The following GGA2 variants were observed in gnomAD, a reference collection of about 807,000 sequenced individuals.
The protein encoded by GGA2 is ADP-ribosylation factor-binding protein GGA2.
A neutral mutation model predicts 79.5 loss-of-function variants in GGA2; 48 were observed. The ratio of observed to expected loss-of-function variants is 0.60; its 90% CI spans 0.48 to 0.77. The LOEUF (loss-of-function observed/expected upper bound fraction) is 0.77, where lower values mean the gene tolerates loss of function less well. Ranked by LOEUF, GGA2 falls within the 30% of genes least tolerant of loss-of-function variation. The probability of loss-of-function intolerance (pLI) is 0.00; values close to 1 mark genes in which losing one functional copy is unlikely to be tolerated. For synonymous variants in GGA2, 317 were observed against 302.0 expected (o/e 1.05, Z -0.51); for missense variants, 770 against 774.0 (o/e 0.99, Z 0.06).
chr16:23,470,332 T>C (rs1009214947), intron 14 of GGA2, among the ~76,000 whole-genome samples, 167 bp from the exon 15 acceptor site: 15 of 152,172 alleles, frequency 9.9e-5, no homozygotes, highest in African/African-American at 3.4e-4. Flanking sequence ...CTCATGACTC[T>C]AGCTGGACTC....
At chr16:23,521,673 G>A (rs1965143895) in intron 1 of GGA2, 5 of 453,676 alleles carry the variant, frequency 1.1e-5, no homozygotes, top group South Asian at 6.2e-5. Flanking sequence ...GCATTAGGAC[G>A]TATTTGTCCT....
chr16:23,482,776 G>A, intron 9 of GGA2, 147 bp downstream of exon 9: 2 of 648,490 alleles, frequency 3.1e-6, no homozygotes, highest in East Asian at 5.5e-5. Flanking sequence ...TCAGTTCTGA[G>A]GCAACTCAGG....
intron 1 of GGA2, among the ~76,000 whole-genome samples, chr16:23,498,919 T>C (rs1964887852): frequency 6.6e-6 from 1 of 152,204 alleles, no homozygotes; most frequent in African/African-American, 2.4e-5. Flanking sequence ...CTGTTTCAGT[T>C]CACTACAAGG....
chr16:23,499,969 C>G (rs1964902729), intron 1 of GGA2, among the ~76,000 whole-genome samples: 1 of 152,204 alleles, frequency 6.6e-6, no homozygotes, highest in Admixed American at 6.5e-5. Context: ...CAGATTGGTT[C>G]CTGGGAACCA....
rs1334980444 is a variant in GGA2 at position 23,464,723 on chromosome 16, G to A, written c.*2867C>T. 6.5e-6 allele frequency: 1 copy of A among 152,902 alleles called. No homozygotes were observed. Among genetic ancestry groups the A allele is most frequent in the Non-Finnish European group, 1.5e-5 (1 of 68,520 alleles). The allele number at this position is 152,902 out of a possible 1,614,324, so 9.5% of individuals were successfully genotyped here. ...AGGTGCTTTCAAGTAAGAGCATGTA[G>A]GTGGAAAGGGGCAGGACTCTGGGTT... On this transcript the variant is annotated 3_prime_UTR_variant, in exon 17 of 17. Coordinates refer to ENST00000309859, the MANE Select transcript of GGA2 (RefSeq NM_015044.4).
At chr16:23,480,549 A>G (rs1164884041) in intron 10 of GGA2, 96 bp downstream of exon 10, 5 of 1,065,542 alleles carry the variant, frequency 4.7e-6, no homozygotes, top group Non-Finnish European at 6.9e-6. Flanking sequence ...TCTCATTTCT[A>G]TTCCTTAACC....
intron 6 of GGA2, among the ~76,000 whole-genome samples, chr16:23,488,219 G>A (rs963267125): frequency 2.6e-5 from 4 of 151,868 alleles, no homozygotes; most frequent in Admixed American, 2.6e-4. Context: ...CACTCCCCAC[G>A]GGCTATCCTT....
At chr16:23,504,376 C>G (rs1250057383) in intron 1 of GGA2, among the ~76,000 whole-genome samples, 1 of 152,206 alleles carries the variant, frequency 6.6e-6, no homozygotes, top group Non-Finnish European at 1.5e-5. Flanking sequence ...AAAAAGCAGG[C>G]CTGTCTCATT....
chr16:23,508,961 G>C (rs1249147427), intron 1 of GGA2, among the ~76,000 whole-genome samples: 1 of 152,024 alleles, frequency 6.6e-6, no homozygotes, highest in Non-Finnish European at 1.5e-5. Context: ...AGGCACCGAG[G>C]CTGCTGACTA....
chr16:23,488,733 A>G (rs751330586), intron 5 of GGA2, 24 bp from the exon 6 acceptor site: 16 of 1,288,060 alleles, frequency 1.2e-5, no homozygotes, highest in Non-Finnish European at 1.6e-5. Flanking sequence ...TTACAAAGTT[A>G]AGACACCGAT....
At chr16:23,522,452 G>C (rs557748006), upstream of GGA2, 1 of 152,168 alleles carries the variant, frequency 6.6e-6, no homozygotes, top group South Asian at 2.1e-4. Context: ...GCTAGTTCCT[G>C]TCTTTTCCAA....
chr16:23,512,655 G>A (rs115455423), upstream of GGA2, among the ~76,000 whole-genome samples: 1,952 of 147,286 alleles, frequency 0.013, 48 homozygotes, highest in African/African-American at 0.046. Context: ...CTTTGGACTG[G>A]TTTGAACATC....
chr16:23,481,075 TA>T (rs1215507037), intron 9 of GGA2, among the ~76,000 whole-genome samples: 1 of 152,204 alleles, frequency 6.6e-6, no homozygotes, highest in Non-Finnish European at 1.5e-5. Flanking sequence ...CTTTTAACTT[TA>T]ACTCAGAATC....
chr16:23,510,050 G>T lies in GGA2; in HGVS notation c.91+271C>A, dbSNP rs557107064. Among the ~76,000 whole-genome samples, 5 of 150,128 alleles carry T rather than the reference G, an allele frequency of 3.3e-5. No homozygotes were observed. In the South Asian group the frequency reaches 1.1e-3, roughly 32 times the overall value. On this transcript the variant is annotated intron_variant, in intron 1 of 16. Transcript: ENST00000309859. ...AAGCGCAGGTCACGTAGCCATTGGGGTGGGGGTCGGGGTCCTGTGCTGCTG... is the reference window on the plus strand; with the variant it reads ...AAGCGCAGGTCACGTAGCCATTGGGTTGGGGGTCGGGGTCCTGTGCTGCTG...
rs200136612 is a variant in GGA2, at chr16:23,486,099, C to T, written c.714G>A (p.Val238=). The change falls in exon 8 of 17, where the codon GTG becomes GTA. Residue 238 remains valine (V), a synonymous_variant. Coordinates refer to ENST00000309859, the MANE Select transcript of GGA2 (RefSeq NM_015044.4). ...VSKRVSAVEE[V]RSHVKVLQEM... ...CCTGCAGCACCTTCACATGGCTTCG[C>T]ACTTCCTCCACCGCACTGACCCTCT... The T allele has an allele frequency of 9.7e-4, 1,565 of 1,613,872 alleles. 2 individuals carry two copies. The highest frequency in any genetic ancestry group is 1.2e-3 in the Non-Finnish European group (1,439 of 1,179,714).
At chr16:23,482,055 C>T (rs1964655483) in intron 9 of GGA2, among the ~76,000 whole-genome samples, 1 of 152,068 alleles carries the variant, frequency 6.6e-6, no homozygotes. Context: ...TCACTAGAGG[C>T]CAGAAGTTTG....
At chr16:23,518,881 A>C (rs1386844982) in intron 2 of GGA2, among the ~76,000 whole-genome samples, 1 of 152,224 alleles carries the variant, frequency 6.6e-6, no homozygotes, top group Non-Finnish European at 1.5e-5. Flanking sequence ...ACTTCCTGCC[A>C]TAATCTCATA....
chr16:23,519,024 T>C (rs1447554818), intron 2 of GGA2, among the ~76,000 whole-genome samples: 1 of 150,956 alleles, frequency 6.6e-6, no homozygotes, highest in African/African-American at 2.4e-5. Flanking sequence ...AATGTAATTT[T>C]CTAGAACGGA....
intron 1 of GGA2, among the ~76,000 whole-genome samples, chr16:23,500,410 G>C (rs1334711334): frequency 6.6e-6 from 1 of 152,146 alleles, no homozygotes; most frequent in Non-Finnish European, 1.5e-5. Flanking sequence ...CTGCGGAGCT[G>C]TACTGTGGCT....
Sources: allele counts gnomAD v4.1 joint callset (sites outside exome capture counted in the v4.1 genomes callset), GRCh38; gene constraint gnomAD v4.1.1; transcripts MANE v1.5; gene names NCBI Gene and HGNC (gene_info 2026-07-23, HGNC 2026-07-21).